Variants in MOV10L1 observed in about 807,000 individuals in gnomAD.
MOV10L1 encodes the protein RNA helicase Mov10l1.
MOV10L1 carries 110 observed loss-of-function variants against 143.8 expected under a neutral mutation model. The ratio of observed to expected loss-of-function variants is 0.76; its 90% CI spans 0.66 to 0.90. The LOEUF (loss-of-function observed/expected upper bound fraction) is 0.90. MOV10L1 is among the 40% of genes least tolerant of loss of function. The pLI is 0.00. For synonymous variants in MOV10L1, 593 were observed against 581.1 expected (o/e 1.02, Z -0.29); for missense variants, 1,406 against 1,526.8 (o/e 0.92, Z 1.32).
chr22:50,127,132 A>G (rs1192572603), intron 12 of MOV10L1, among the ~76,000 whole-genome samples: 1 of 152,164 alleles, frequency 6.6e-6, no homozygotes, highest in African/African-American at 2.4e-5. Flanking sequence ...CCAAGTTGAC[A>G]TGAGGAGCCC....
intron 10 of MOV10L1, among the ~76,000 whole-genome samples, chr22:50,124,818 G>A (rs2062448386): frequency 6.6e-6 from 1 of 152,180 alleles, no homozygotes; most frequent in East Asian, 1.9e-4. Flanking sequence ...CAGCATCCCT[G>A]GGTCCTCTGT....
At position 50,133,974 on chromosome 22, in the gene MOV10L1, G is replaced by A. The variant is rs1480430875; in HGVS notation, c.1911-33G>A. ...CAGCCTTAATATTTCTGAATGTAAGGTTAGTTATTTTATGTGGTTTTCTTT... is the reference window on the plus strand; with the variant it reads ...CAGCCTTAATATTTCTGAATGTAAGATTAGTTATTTTATGTGGTTTTCTTT... On this transcript the variant is annotated intron_variant, in intron 13 of 26. Coordinates refer to ENST00000262794, the MANE Select transcript of MOV10L1 (RefSeq NM_018995.3). 3.2e-6 allele frequency: 5 copies of A among 1,586,990 alleles called. No individual in the cohort carries two copies. The African/African-American group carries it at 5.4e-5, about 17-fold the overall frequency.
intron 3 of MOV10L1, among the ~76,000 whole-genome samples, chr22:50,103,332 A>G (rs1165802265): frequency 6.6e-6 from 1 of 152,212 alleles, no homozygotes; most frequent in Non-Finnish European, 1.5e-5. Context: ...GGTGGGGCTC[A>G]GGTTGTTTTA....
rs1415129007 is a variant in MOV10L1 at position 50,150,880 on chromosome 22, G to A, written c.2873G>A (p.Gly958Asp). 1 of 1,614,194 alleles carries A rather than the reference G, an allele frequency of 6.2e-7. No individual in the cohort carries two copies. The highest frequency in any genetic ancestry group is 2.2e-5 in the East Asian group (1 of 44,888). Residue 958 changes from glycine (G) to aspartate (D), a missense_variant, in exon 21 of 27, where the codon GGC becomes GAC. Physicochemically the swap from Gly to Asp is moderately conservative, Grantham distance 94. Transcript: ENST00000262794. ...QRDENAFGAC[G>D]AHNPLLVTKL... ...GACGAAAATGCTTTCGGTGCTTGTG[G>A]CGCACATAATCCCCTGTTGGTGAGT...
intron 3 of MOV10L1, among the ~76,000 whole-genome samples, chr22:50,106,190 C>G (rs968262121): frequency 6.6e-6 from 1 of 152,132 alleles, no homozygotes; most frequent in African/African-American, 2.4e-5. Context: ...CGGGGTCTTG[C>G]TCTGTCACCC....
At chr22:50,123,749 T>C (rs183903588) in intron 10 of MOV10L1, among the ~76,000 whole-genome samples, 5 of 152,364 alleles carry the variant, frequency 3.3e-5, no homozygotes, top group Non-Finnish European at 7.3e-5. Context: ...AGTCTTCAAA[T>C]GTTTGGTAGA....
At chr22:50,131,150 T>C (rs1001419582) in intron 13 of MOV10L1, among the ~76,000 whole-genome samples, 11 of 151,800 alleles carry the variant, frequency 7.2e-5, no homozygotes, top group Admixed American at 2.6e-4. Flanking sequence ...CCTTGTGATC[T>C]GCCCACCTTG....
rs397867977 is a variant in MOV10L1 at position 50,116,660 on chromosome 22, C to CTTTT, written c.1260-477_1260-474dup. Reference sequence around the variant, plus strand: ...CAAAAAAGACTATTGTAGATGCTTACTTTTTTTTTTTTTTTTTTTTTTTGA... The same window carrying CTTTT: ...CAAAAAAGACTATTGTAGATGCTTACTTTTTTTTTTTTTTTTTTTTTTTTTTTGA... On this transcript the variant is annotated intron_variant, in intron 8 of 26. Coordinates refer to ENST00000262794, the MANE Select transcript of MOV10L1 (RefSeq NM_018995.3). 1.7e-3 allele frequency among the ~76,000 whole-genome samples: 179 copies of CTTTT among 104,104 alleles called. 1 individual carries two copies. Among genetic ancestry groups the CTTTT allele is most frequent in the Middle Eastern group, 6.9e-3 (1 of 144 alleles). The allele number at this position is 104,104 out of a possible 152,430, so 68.3% of individuals were successfully genotyped here.
At chr22:50,144,014 A>T in intron 17 of MOV10L1, 83 bp from the exon 18 acceptor site, 2 of 1,529,588 alleles carry the variant, frequency 1.3e-6, no homozygotes, top group Non-Finnish European at 1.8e-6. Context: ...CTGCACCCGA[A>T]TGTGTGTGTT....
chr22:50,131,063 ATTTT>A (rs3041370), intron 13 of MOV10L1, among the ~76,000 whole-genome samples: 17 of 128,072 alleles, frequency 1.3e-4, no homozygotes, highest in East Asian at 4.6e-4. Context: ...CGCCCGGCTA[ATTTT>A]TTTTTTTTTT....
chr22:50,090,541 G>GC (rs771736749), intron 1 of MOV10L1: 18 of 1,600,782 alleles, frequency 1.1e-5, no homozygotes, highest in Non-Finnish European at 1.4e-5. Flanking sequence ...GAAAAACGCG[G>GC]CCCCGCAGAC....
At chr22:50,137,772 ATATATATACATATATAAATATACATATTT>A (rs2062864016) in intron 15 of MOV10L1, among the ~76,000 whole-genome samples, 3 of 98,708 alleles carry the variant, frequency 3.0e-5, no homozygotes, top group Non-Finnish European at 6.8e-5. Context: ...TACATATTTT[ATATATATACATATATAAATATACATATTT>A]TATATATATA....
intron 13 of MOV10L1, among the ~76,000 whole-genome samples, chr22:50,133,066 T>G (rs916150591): frequency 6.6e-6 from 1 of 151,842 alleles, no homozygotes; most frequent in African/African-American, 2.4e-5. Context: ...GTTTTACTTC[T>G]TCTTCTCTTA....
chr22:50,125,586 T>C lies in MOV10L1; in HGVS notation c.1747+17T>C, dbSNP rs751582395. ...TCTACGCAGGTGTGTTTGTTACTCA[T>C]ATGCTTCCCTGGGTGGACTAGCAGA... On this transcript the variant is annotated intron_variant, in intron 11 of 26. Transcript: ENST00000262794. The C allele has an allele frequency of 4.3e-6, 7 of 1,611,246 alleles. 1 individual carries two copies. The South Asian group carries it at 6.6e-5, about 15-fold the overall frequency.
chr22:50,108,623 C>T, intron 4 of MOV10L1, 34 bp from the exon 5 acceptor site: 1 of 1,610,542 alleles, frequency 6.2e-7, no homozygotes, highest in Non-Finnish European at 8.5e-7. Context: ...CATGCAGCAT[C>T]TGCTTCCTGT....
intron 9 of MOV10L1, among the ~76,000 whole-genome samples, chr22:50,119,326 G>T (rs1214483012): frequency 6.6e-6 from 1 of 152,162 alleles, no homozygotes; most frequent in African/African-American, 2.4e-5. Context: ...GCCCACGCGG[G>T]CATTGGCGGG....
Position 50,114,507 on chromosome 22 carries a change from TC to T in MOV10L1, c.1013del (p.Pro338LeufsTer14). ...MCPVVSFVSV[P>X]EKENSSDENI... ...GCCCCGTGGTATCTTTTGTTTCTGT[TC>T]CTGAGAAGGAGAATTCATCAGATGA... On this transcript the variant is annotated frameshift_variant, in exon 7 of 27. Transcript: ENST00000262794. LOFTEE classifies it high-confidence loss of function. 5 of 1,614,192 alleles carry T rather than the reference TC, an allele frequency of 3.1e-6. No individual in the cohort carries two copies. Among genetic ancestry groups the T allele is most frequent in the African/African-American group, 2.7e-5 (2 of 75,038 alleles).
intron 5 of MOV10L1, 64 bp from the exon 6 acceptor site, chr22:50,113,584 G>T: frequency 6.3e-7 from 1 of 1,578,436 alleles, no homozygotes; most frequent in South Asian, 1.2e-5. Flanking sequence ...CCTCAGGAGC[G>T]GAGGCAGGCG....
chr22:50,153,721 G>A (rs931521490), intron 22 of MOV10L1, among the ~76,000 whole-genome samples: 4 of 152,226 alleles, frequency 2.6e-5, no homozygotes, highest in Admixed American at 6.5e-5. Context: ...CCAAGGCCTC[G>A]CAGAGGGACA....
Sources: gnomAD v4.1 joint callset for allele counts (sites outside exome capture counted in the v4.1 genomes callset) on GRCh38, gnomAD v4.1.1 for gene constraint, MANE v1.5 for transcripts, NCBI Gene and HGNC (gene_info 2026-07-23, HGNC 2026-07-21) for gene names.